KCNJ6: variants seen among roughly 807,000 people sequenced by gnomAD.
KCNJ6 encodes the protein potassium inwardly rectifying channel subfamily J member 6.
Under a neutral mutation model 34.2 loss-of-function variants are expected in KCNJ6, and 9 were observed. That is an observed-to-expected ratio of 0.26 (90% CI 0.16 to 0.46). The LOEUF (loss-of-function observed/expected upper bound fraction) is 0.46, where lower values mean the gene tolerates loss of function less well. KCNJ6 is among the 20% of genes least tolerant of loss of function. The pLI, the probability that KCNJ6 is intolerant of heterozygous loss-of-function variation, is 1.00. For missense variants in KCNJ6, 236 were observed against 531.3 expected (o/e 0.44, Z 5.46); for synonymous variants, 196 against 207.1 (o/e 0.95, Z 0.46).
At chr21:37,631,905 C>T (rs2054335400) in intron 3 of KCNJ6, among the ~76,000 whole-genome samples, 1 of 152,188 alleles carries the variant, frequency 6.6e-6, no homozygotes, top group Non-Finnish European at 1.5e-5. Context: ...GAGAGAGAGC[C>T]TGTCTTTTTG....
At chr21:37,643,125 G>A (rs1297227838) in intron 3 of KCNJ6, among the ~76,000 whole-genome samples, 1 of 152,102 alleles carries the variant, frequency 6.6e-6, no homozygotes, top group East Asian at 1.9e-4. Context: ...CATATAGTTG[G>A]GCAATTTTCA....
chr21:37,678,215 G>C (rs1783045), intron 3 of KCNJ6, among the ~76,000 whole-genome samples: 134,318 of 152,102 alleles, frequency 0.88, 60,060 homozygotes, highest in Non-Finnish European at 0.95. Flanking sequence ...ATCTAGAAGC[G>C]ACAGCTAGTG....
At chr21:37,882,499 G>A (rs181852350) in intron 1 of KCNJ6, among the ~76,000 whole-genome samples, 15 of 152,326 alleles carry the variant, frequency 9.8e-5, no homozygotes, top group Admixed American at 6.5e-4. Flanking sequence ...CCACTTACAC[G>A]CAGCAAATAC....
intron 1 of KCNJ6, among the ~76,000 whole-genome samples, chr21:37,854,656 C>T (rs2055555409): frequency 6.6e-6 from 1 of 152,184 alleles, no homozygotes; most frequent in African/African-American, 2.4e-5. Context: ...GTTCCCAACA[C>T]AAATGAATAA....
intron 3 of KCNJ6, among the ~76,000 whole-genome samples, chr21:37,693,578 G>A (rs949429954): frequency 3.3e-5 from 5 of 152,132 alleles, no homozygotes; most frequent in South Asian, 2.1e-4. Flanking sequence ...CCTCTCAGAC[G>A]AGAGTGGGCA....
chr21:37,749,164 G>T (rs971885780), intron 2 of KCNJ6, among the ~76,000 whole-genome samples: 2 of 152,112 alleles, frequency 1.3e-5, no homozygotes, highest in African/African-American at 4.8e-5. Context: ...TCATTTTCAG[G>T]TGACAGGTGG....
intron 3 of KCNJ6, among the ~76,000 whole-genome samples, chr21:37,645,938 A>G (rs1424696157): frequency 1.6e-5 from 2 of 126,032 alleles, no homozygotes; most frequent in Non-Finnish European, 3.3e-5. Flanking sequence ...AAACGGGGGT[A>G]AAAATCCACT....
rs889785912 is a variant in KCNJ6 at position 37,623,432 on chromosome 21, A to G, written c.*1727T>C. The G allele has an allele frequency of 1.3e-5, 2 of 152,224 alleles. No homozygotes were observed. Among genetic ancestry groups the G allele is most frequent in the Non-Finnish European group, 1.5e-5 (1 of 68,044 alleles). 9.4% of individuals were successfully genotyped at this position (152,224 alleles called of 1,614,324 possible). The stretch of plus-strand genomic sequence containing the variant: ...GCTGAAAATAAACTTGGATCCATTC[A>G]ATGAATATTTATGATGGGCAACTGT... On this transcript the variant is annotated 3_prime_UTR_variant, in exon 4 of 4. Transcript: ENST00000609713.
chr21:37,768,953 C>T (rs1333881188), intron 2 of KCNJ6, among the ~76,000 whole-genome samples: 3 of 152,236 alleles, frequency 2.0e-5, no homozygotes, highest in Non-Finnish European at 4.4e-5. Context: ...AGTTTACCTG[C>T]ATGCAGGTGT....
intron 3 of KCNJ6, among the ~76,000 whole-genome samples, chr21:37,629,194 GT>G (rs1427562907): frequency 6.6e-6 from 1 of 152,074 alleles, no homozygotes; most frequent in Non-Finnish European, 1.5e-5. Context: ...AAATATAAAT[GT>G]TTTTCTCCAG....
At chr21:37,793,145 T>G (rs765403475) in intron 2 of KCNJ6, among the ~76,000 whole-genome samples, 6 of 152,224 alleles carry the variant, frequency 3.9e-5, no homozygotes, top group Admixed American at 6.5e-5. Context: ...TAGAAAATCT[T>G]CATGGTTGAA....
intron 3 of KCNJ6, among the ~76,000 whole-genome samples, chr21:37,703,672 C>T (rs2054703795): frequency 6.6e-6 from 1 of 152,224 alleles, no homozygotes; most frequent in Non-Finnish European, 1.5e-5. Context: ...CGTGCCCCCT[C>T]TCCACTGGGC....
intron 3 of KCNJ6, among the ~76,000 whole-genome samples, chr21:37,672,310 T>C (rs1258495075): frequency 6.6e-6 from 1 of 151,982 alleles, no homozygotes; most frequent in East Asian, 1.9e-4. Flanking sequence ...ATCCTGACTC[T>C]TCTGCTTGTG....
chr21:37,858,162 A>C (rs2055574454), intron 1 of KCNJ6, among the ~76,000 whole-genome samples: 1 of 151,958 alleles, frequency 6.6e-6, no homozygotes, highest in Admixed American at 6.6e-5. Context: ...GAGGCCGAAG[A>C]GGGTGGATCA....
intron 2 of KCNJ6, among the ~76,000 whole-genome samples, chr21:37,823,469 C>T (rs2055383867): frequency 6.6e-6 from 1 of 152,206 alleles, no homozygotes; most frequent in South Asian, 2.1e-4. Flanking sequence ...ATAATCCCCA[C>T]ATGTCAAGGG....
chr21:37,626,061 T>C (rs2054309328), intron 3 of KCNJ6, among the ~76,000 whole-genome samples: 1 of 152,016 alleles, frequency 6.6e-6, no homozygotes, highest in Admixed American at 6.5e-5. Flanking sequence ...ATTTGCACTT[T>C]ACTTAGGCCC....
At chr21:37,731,759 A>G (rs1379343904) in intron 2 of KCNJ6, among the ~76,000 whole-genome samples, 1 of 152,234 alleles carries the variant, frequency 6.6e-6, no homozygotes, top group Non-Finnish European at 1.5e-5. Flanking sequence ...CGAGACCACC[A>G]GATACTTCAG....
intron 2 of KCNJ6, among the ~76,000 whole-genome samples, chr21:37,784,904 A>G (rs2055185838): frequency 6.6e-6 from 1 of 152,182 alleles, no homozygotes; most frequent in South Asian, 2.1e-4. Flanking sequence ...TCTGTTTGTC[A>G]GCTCTTTGGA....
rs1185113365 is a variant in KCNJ6, at chr21:37,617,636, G to A, written c.*7523C>T. The A allele has an allele frequency of 6.6e-6, 1 of 152,162 alleles. No individual in the cohort carries two copies. The highest frequency in any genetic ancestry group is 1.5e-5 in the Non-Finnish European group (1 of 68,036). 9.4% of individuals were successfully genotyped at this position (152,162 alleles called of 1,614,324 possible). A position where few individuals can be genotyped will look rare whatever the true frequency, so the allele number is the denominator to read the frequency against. On this transcript the variant is annotated 3_prime_UTR_variant, in exon 4 of 4. Coordinates refer to ENST00000609713, the MANE Select transcript of KCNJ6 (RefSeq NM_002240.5). ...GGTCAGACTATCTGGAGAGAGTTCT[G>A]CCATTGGCCCGATGACTGAGTCTGT...
Sources: gnomAD v4.1 joint callset for allele counts (sites outside exome capture counted in the v4.1 genomes callset) on GRCh38, gnomAD v4.1.1 for gene constraint, MANE v1.5 for transcripts, NCBI Gene and HGNC (gene_info 2026-07-23, HGNC 2026-07-21) for gene names.